Variants in YES1 observed in about 807,000 individuals in gnomAD.
The protein encoded by YES1 is YES proto-oncogene 1, Src family tyrosine kinase.
A neutral mutation model predicts 70.4 loss-of-function variants in YES1; 39 were observed. The observed-to-expected ratio is 0.55, with a 90% CI of 0.43 to 0.72. The LOEUF (loss-of-function observed/expected upper bound fraction) is 0.72. Ranked by LOEUF, YES1 falls within the 30% of genes least tolerant of loss-of-function variation. YES1 has a pLI of 0.00. For missense variants in YES1, 495 were observed against 644.8 expected (o/e 0.77, Z 2.52); for synonymous variants, 198 against 218.6 (o/e 0.91, Z 0.83).
chr18:767,279 A>T (rs1332462725), intron 1 of YES1, among the ~76,000 whole-genome samples: 1 of 152,114 alleles, frequency 6.6e-6, no homozygotes, highest in Non-Finnish European at 1.5e-5. Context: ...CCTTCTGAGC[A>T]GCTGGGACTA....
chr18:807,876 G>C lies in YES1; in HGVS notation c.-9+4238C>G, dbSNP rs549715294. On this transcript the variant is annotated intron_variant, in intron 1 of 11. Transcript: ENST00000314574. ...TCCCCTCCCCTAAACAACAATAAAA[G>C]AAGCAATTCTAAGAATCACAGCTTA... is the stretch of plus-strand genomic sequence containing the variant. Among the ~76,000 whole-genome samples, 4 of 152,198 alleles carry C rather than the reference G, an allele frequency of 2.6e-5. No homozygotes were observed. In the South Asian group the frequency reaches 8.3e-4, roughly 32 times the overall value.
chr18:779,489 A>C (rs1905549226), intron 1 of YES1, among the ~76,000 whole-genome samples: 1 of 152,306 alleles, frequency 6.6e-6, no homozygotes, highest in African/African-American at 2.4e-5. Context: ...TTACAAATTA[A>C]AGCCTCAAGA....
At position 751,580 on chromosome 18, in the gene YES1, T is replaced by C. The variant is rs896107011; in HGVS notation, c.371+125A>G. 12 of 650,374 alleles carry C rather than the reference T, an allele frequency of 1.8e-5. No individual in the cohort carries two copies. The Admixed American group carries it at 2.5e-4, about 13-fold the overall frequency. 40.3% of individuals were successfully genotyped at this position (650,374 alleles called of 1,614,324 possible). On this transcript the variant is annotated intron_variant, in intron 3 of 11. Transcript: ENST00000314574. Reference sequence around the variant, plus strand: ...TGCATCTATAGAAGCCAATGCATCGTTAAACACAGTGGGCAGCCCATGCCC... The same window carrying C: ...TGCATCTATAGAAGCCAATGCATCGCTAAACACAGTGGGCAGCCCATGCCC...
intron 1 of YES1, among the ~76,000 whole-genome samples, chr18:785,486 G>C (rs906620904): frequency 2.0e-5 from 3 of 152,260 alleles, no homozygotes; most frequent in South Asian, 2.1e-4. Flanking sequence ...TGGAAGGAGA[G>C]AGAAGCACTA....
At chr18:794,279 C>G (rs1341702154) in intron 1 of YES1, among the ~76,000 whole-genome samples, 1 of 152,068 alleles carries the variant, frequency 6.6e-6, no homozygotes, top group Non-Finnish European at 1.5e-5. Context: ...TAATCTAAAT[C>G]AAATCATGAG....
At chr18:794,791 G>T (rs1012601691) in intron 1 of YES1, among the ~76,000 whole-genome samples, 1 of 152,074 alleles carries the variant, frequency 6.6e-6, no homozygotes, top group South Asian at 2.1e-4. Context: ...CTGGGTGTCT[G>T]TCTTCACATG....
chr18:793,142 C>T (rs8089002), intron 1 of YES1, among the ~76,000 whole-genome samples: 1 of 151,192 alleles, frequency 6.6e-6, no homozygotes, highest in East Asian at 1.9e-4. Flanking sequence ...CGGGTTCAAG[C>T]GATACTCCTG....
chr18:783,390 A>AACACACAC (rs34769090), intron 1 of YES1, among the ~76,000 whole-genome samples: 1 of 149,782 alleles, frequency 6.7e-6, no homozygotes, highest in African/African-American at 2.4e-5. Flanking sequence ...ATGTAGGGGA[A>AACACACAC]ACACACACAC....
chr18:792,303 C>A (rs1472593402), intron 1 of YES1, among the ~76,000 whole-genome samples: 1 of 151,408 alleles, frequency 6.6e-6, no homozygotes, highest in African/African-American at 2.4e-5. Flanking sequence ...GACTTCATCT[C>A]GAAAAACAAA....
rs1311522254 is a variant in YES1, at chr18:721,692, A to G, written c.*2732T>C. The G allele has an allele frequency of 6.6e-6, 1 of 152,252 alleles. No homozygotes were observed. Among genetic ancestry groups the G allele is most frequent in the Non-Finnish European group, 1.5e-5 (1 of 68,034 alleles). The allele number at this position is 152,252 out of a possible 1,614,324, so 9.4% of individuals were successfully genotyped here. A position where few individuals can be genotyped will look rare whatever the true frequency, so the allele number is the denominator to read the frequency against. On this transcript the variant is annotated 3_prime_UTR_variant, in exon 12 of 12. Coordinates refer to ENST00000314574, the MANE Select transcript of YES1 (RefSeq NM_005433.4). ...CTCAATGGAAGAATAAATTCAGAAT[A>G]TATCAGTTTTTAAAAAACGAATGAG...
At chr18:802,878 T>C (rs1487028665) in intron 1 of YES1, among the ~76,000 whole-genome samples, 1 of 151,466 alleles carries the variant, frequency 6.6e-6, no homozygotes, top group Non-Finnish European at 1.5e-5. Context: ...AGCCCAGGAG[T>C]TCGAGACAGC....
chr18:787,406 C>G (rs1047535603), intron 1 of YES1, among the ~76,000 whole-genome samples: 1 of 151,680 alleles, frequency 6.6e-6, no homozygotes, highest in Non-Finnish European at 1.5e-5. Context: ...CTGATACATA[C>G]TGTATTTAAA....
chr18:776,408 G>A (rs1490693374), intron 1 of YES1, among the ~76,000 whole-genome samples: 1 of 152,030 alleles, frequency 6.6e-6, no homozygotes, highest in Admixed American at 6.6e-5. Flanking sequence ...GTCTCTCACT[G>A]TGATTTTAAT....
At chr18:780,821 G>A (rs1194923818) in intron 1 of YES1, among the ~76,000 whole-genome samples, 1 of 152,110 alleles carries the variant, frequency 6.6e-6, no homozygotes, top group Non-Finnish European at 1.5e-5. Flanking sequence ...CTCTTTAACT[G>A]ACTTCCATCC....
At chr18:803,838 T>G (rs4085841) in intron 1 of YES1, among the ~76,000 whole-genome samples, 66,041 of 151,970 alleles carry the variant, frequency 0.43, 15,855 homozygotes, top group African/African-American at 0.64. Context: ...CAAAAACTGA[T>G]AATCAGTCAG....
At chr18:794,313 G>A (rs941599678) in intron 1 of YES1, among the ~76,000 whole-genome samples, 16 of 152,078 alleles carry the variant, frequency 1.1e-4, no homozygotes, top group South Asian at 2.1e-4. Flanking sequence ...AAAACTCATC[G>A]ATGTACACTA....
intron 1 of YES1, among the ~76,000 whole-genome samples, chr18:784,210 C>A (rs540098095): frequency 1.5e-4 from 23 of 151,828 alleles, no homozygotes; most frequent in Non-Finnish European, 3.2e-4. Context: ...GTTTTCATTA[C>A]AAGTTTTCTA....
intron 2 of YES1, among the ~76,000 whole-genome samples, chr18:755,828 T>C (rs971858128): frequency 6.6e-6 from 1 of 152,220 alleles, no homozygotes; most frequent in African/African-American, 2.4e-5. Flanking sequence ...AAGCCAGCTA[T>C]ACTTTGTTAC....
At chr18:769,957 CT>C (rs10645789) in intron 1 of YES1, among the ~76,000 whole-genome samples, 86 of 144,442 alleles carry the variant, frequency 6.0e-4, no homozygotes, top group Admixed American at 6.2e-4. Flanking sequence ...TCTTCCTGTT[CT>C]TTTTTTTTTT....
Sources: allele counts gnomAD v4.1 joint callset (sites outside exome capture counted in the v4.1 genomes callset), GRCh38; gene constraint gnomAD v4.1.1; transcripts MANE v1.5; gene names NCBI Gene and HGNC (gene_info 2026-07-23, HGNC 2026-07-21).